The following NR6A1 variants were observed in gnomAD, a reference collection of about 807,000 sequenced individuals.
NR6A1 encodes the protein retinoic acid receptor-related testis-associated receptor.
NR6A1 carries 7 observed loss-of-function variants against 59.1 expected under a neutral mutation model. That is an observed-to-expected ratio of 0.12 (90% CI 0.07 to 0.22). The LOEUF is 0.22. Ranked by LOEUF, NR6A1 falls within the 10% of genes least tolerant of loss-of-function variation. NR6A1 has a pLI of 1.00. For synonymous variants in NR6A1, 243 were observed against 236.1 expected (o/e 1.03, Z -0.27); for missense variants, 468 against 611.6 (o/e 0.77, Z 2.48).
intron 9 of NR6A1, among the ~76,000 whole-genome samples, chr9:124,523,371 A>C (rs1234592201): frequency 6.6e-6 from 1 of 152,214 alleles, no homozygotes; most frequent in African/African-American, 2.4e-5. Flanking sequence ...CAGTGTGCTA[A>C]TATAATTTAT....
chr9:124,583,640 T>G (rs1297696949), intron 2 of NR6A1, among the ~76,000 whole-genome samples: 1 of 152,148 alleles, frequency 6.6e-6, no homozygotes, highest in African/African-American at 2.4e-5. Context: ...CAAACAATAC[T>G]TCTGTCCTAT....
At chr9:124,769,726 G>A (rs764728731) in intron 1 of NR6A1, among the ~76,000 whole-genome samples, 49 of 152,324 alleles carry the variant, frequency 3.2e-4, no homozygotes, top group Admixed American at 2.4e-3. Context: ...GAAATGAGGA[G>A]ATGTGAAAGG....
At chr9:124,689,662 C>CT (rs1838459556) in intron 2 of NR6A1, among the ~76,000 whole-genome samples, 1 of 152,170 alleles carries the variant, frequency 6.6e-6, no homozygotes, top group Non-Finnish European at 1.5e-5. Context: ...ATTAATCTCA[C>CT]TACTCACCAT....
At chr9:124,707,495 A>G (rs1588812249) in intron 2 of NR6A1, among the ~76,000 whole-genome samples, 1 of 149,690 alleles carries the variant, frequency 6.7e-6, no homozygotes, top group Middle Eastern at 3.3e-3. Flanking sequence ...ATTTAGGATC[A>G]CTCAGAGACA....
At chr9:124,661,955 C>T (rs1427483904) in intron 2 of NR6A1, among the ~76,000 whole-genome samples, 3 of 151,958 alleles carry the variant, frequency 2.0e-5, no homozygotes, top group Admixed American at 1.3e-4. Flanking sequence ...ATGCTTATAT[C>T]CAGCATACCC....
chr9:124,676,628 C>T (rs573275174), intron 2 of NR6A1, among the ~76,000 whole-genome samples: 42 of 152,278 alleles, frequency 2.8e-4, no homozygotes, highest in African/African-American at 9.6e-4. Context: ...AAACAGTAGA[C>T]TTCAAAAACA....
At chr9:124,731,045 C>CA (rs1839869790) in intron 2 of NR6A1, among the ~76,000 whole-genome samples, 1 of 152,120 alleles carries the variant, frequency 6.6e-6, no homozygotes, top group Non-Finnish European at 1.5e-5. Context: ...CAGGGCATCT[C>CA]AATGTCCTTC....
intron 2 of NR6A1, among the ~76,000 whole-genome samples, chr9:124,619,350 G>A (rs1476915056): frequency 4.6e-5 from 7 of 152,094 alleles, no homozygotes; most frequent in Non-Finnish European, 5.9e-5. Flanking sequence ...TGCAACCTCC[G>A]CCTCCTGGGC....
chr9:124,637,711 T>C (rs1055822338), intron 2 of NR6A1, among the ~76,000 whole-genome samples: 2 of 151,638 alleles, frequency 1.3e-5, no homozygotes, highest in Non-Finnish European at 2.9e-5. Flanking sequence ...GCCAACATGG[T>C]GAAACCCCAT....
chr9:124,652,299 T>A (rs1021836941), intron 2 of NR6A1, among the ~76,000 whole-genome samples: 2 of 152,158 alleles, frequency 1.3e-5, no homozygotes, highest in African/African-American at 4.8e-5. Context: ...CAGCTTGGGG[T>A]TACAACCCAG....
intron 2 of NR6A1, among the ~76,000 whole-genome samples, chr9:124,643,111 G>T (rs1245561810): frequency 7.0e-5 from 5 of 71,384 alleles, no homozygotes; most frequent in African/African-American, 2.0e-4. Flanking sequence ...TGGGGGGGGG[G>T]AACAAAAACA....
intron 1 of NR6A1, among the ~76,000 whole-genome samples, chr9:124,756,006 T>A (rs933313150): frequency 2.0e-5 from 3 of 152,204 alleles, no homozygotes; most frequent in African/African-American, 7.2e-5. Flanking sequence ...AAGTACATAT[T>A]TTAAATGATC....
intron 8 of NR6A1, among the ~76,000 whole-genome samples, chr9:124,525,228 C>T (rs1015207630): frequency 1.3e-5 from 2 of 150,712 alleles, no homozygotes; most frequent in African/African-American, 4.9e-5. Flanking sequence ...TTTAAATTTG[C>T]CCTTCGCTGG....
At chr9:124,695,693 T>G (rs1838733314) in intron 2 of NR6A1, among the ~76,000 whole-genome samples, 1 of 152,046 alleles carries the variant, frequency 6.6e-6, no homozygotes, top group Non-Finnish European at 1.5e-5. Context: ...ATAGAAGAGT[T>G]TTTTGTGAGA....
chr9:124,665,008 TCCAA>T (rs1453356618), intron 2 of NR6A1, among the ~76,000 whole-genome samples: 2 of 24,678 alleles, frequency 8.1e-5, no homozygotes, highest in Non-Finnish European at 1.7e-4. Context: ...TCCTTGTATC[TCCAA>T]AAAAAAAAAA....
At chr9:124,596,156 G>C (rs974497905) in intron 2 of NR6A1, among the ~76,000 whole-genome samples, 1 of 152,052 alleles carries the variant, frequency 6.6e-6, no homozygotes, top group Admixed American at 6.5e-5. Flanking sequence ...TATTTAAAAG[G>C]GTTCTGGTAT....
chr9:124,690,352 G>A (rs570858480), intron 2 of NR6A1, among the ~76,000 whole-genome samples: 1 of 152,190 alleles, frequency 6.6e-6, no homozygotes, highest in South Asian at 2.1e-4. Flanking sequence ...TCCCCATGTT[G>A]GAGACATGTG....
rs146197924 is a variant in NR6A1 at position 124,756,477 on chromosome 9, G to A, written c.100+14543C>T. Among the ~76,000 whole-genome samples, 665 of 152,266 alleles carry A rather than the reference G, an allele frequency of 4.4e-3. 5 individuals are homozygous for A. Among genetic ancestry groups the A allele is most frequent in the African/African-American group, 0.015 (619 of 41,558 alleles). ...TAAAGACTACTTAATTTTAATTTCA[G>A]CAAATATGACTTATGCTTTAATAAA... On this transcript the variant is annotated intron_variant, in intron 1 of 9. Coordinates refer to ENST00000487099, the MANE Select transcript of NR6A1 (RefSeq NM_033334.4).
At chr9:124,628,186 C>T (rs1836306411) in intron 2 of NR6A1, among the ~76,000 whole-genome samples, 1 of 152,118 alleles carries the variant, frequency 6.6e-6, no homozygotes, top group African/African-American at 2.4e-5. Flanking sequence ...CGCCACCACA[C>T]CCAGGTAATT....
Sources: allele counts gnomAD v4.1 joint callset (sites outside exome capture counted in the v4.1 genomes callset), GRCh38; gene constraint gnomAD v4.1.1; transcripts MANE v1.5; gene names NCBI Gene and HGNC (gene_info 2026-07-23, HGNC 2026-07-21).